The following FOCAD variants were observed in gnomAD, a reference collection of about 807,000 sequenced individuals.
FOCAD encodes focadhesin, also known as KIAA1797.
In FOCAD, 198 loss-of-function variants were observed where a neutral mutation model predicts 225.6. The ratio of observed to expected loss-of-function variants is 0.88; its 90% confidence interval spans 0.78 to 0.99. The LOEUF (loss-of-function observed/expected upper bound fraction) is 0.99. Ranked by LOEUF, FOCAD falls within the 50% of genes least tolerant of loss-of-function variation. FOCAD has a pLI of 0.00. For synonymous variants in FOCAD, 897 were observed against 755.0 expected (o/e 1.19, Z -3.08); for missense variants, 2,713 against 2,123.6 (o/e 1.28, Z -5.46).
chr9:20,993,363 A>G, intron 43 of FOCAD, 35 bp downstream of exon 43: 1 of 1,531,056 alleles, frequency 6.5e-7, no homozygotes, highest in Non-Finnish European at 9.0e-7. Context: ...AACATAGGGG[A>G]AAAACCATTA....
At chr9:20,670,951 CCTT>C (rs1307234043) in intron 2 of FOCAD, among the ~76,000 whole-genome samples, 2 of 152,096 alleles carry the variant, frequency 1.3e-5, no homozygotes, top group Non-Finnish European at 2.9e-5. Context: ...AAATAGCAAT[CCTT>C]ATTATGTAAA....
chr9:20,845,462 T>TG lies in FOCAD; in HGVS notation c.1921-17116_1921-17115insG, dbSNP rs1161158811. On this transcript the variant is annotated intron_variant, in intron 15 of 43. Transcript: ENST00000338382. ...TCCTCGATATATATATATATATATA[T>TG]ATATGACACGTGGTATATCATTGTA... is the stretch of plus-strand genomic sequence containing the variant. Among the ~76,000 whole-genome samples the TG allele has an allele frequency of 9.7e-4, 145 of 148,966 alleles. 5 individuals carry two copies. The South Asian group carries it at 0.03, about 30-fold the overall frequency.
Position 20,764,964 on chromosome 9 carries a change from C to T in FOCAD, c.590C>T (p.Ala197Val). The change falls in exon 7 of 44, where the codon GCC (alanine) becomes GTC (valine). Residue 197 changes from alanine (A) to valine (V), a missense_variant. Coordinates refer to ENST00000338382, the MANE Select transcript of FOCAD (RefSeq NM_001375567.1). ...CAAGAATATGCTAAACTCCGACTAG[C>T]CCTGCTGAAAGTCTTACTTCAACCC... is the stretch of plus-strand genomic sequence containing the variant. ...QLQEYAKLRL[A>V]LLKVLLQPQV... 1 of 1,614,074 alleles carries T rather than the reference C, an allele frequency of 6.2e-7. No homozygotes were observed. The highest frequency in any genetic ancestry group is 8.5e-7 in the Non-Finnish European group (1 of 1,179,984).
At chr9:20,745,230 TCC>T (rs1374785390) in intron 5 of FOCAD, among the ~76,000 whole-genome samples, 2 of 151,642 alleles carry the variant, frequency 1.3e-5, no homozygotes, top group African/African-American at 4.8e-5. Flanking sequence ...CCATCTCAGC[TCC>T]CCCAGTAGCT....
At chr9:20,760,881 G>A (rs190803285) in intron 6 of FOCAD, among the ~76,000 whole-genome samples, 3 of 152,136 alleles carry the variant, frequency 2.0e-5, no homozygotes, top group Non-Finnish European at 4.4e-5. Context: ...CTGGGTGACA[G>A]GTTGTTAATG....
chr9:20,920,975 T>A (rs1314039386), intron 24 of FOCAD, among the ~76,000 whole-genome samples: 3 of 147,782 alleles, frequency 2.0e-5, no homozygotes, highest in Non-Finnish European at 3.0e-5. Flanking sequence ...ATAATAAAAT[T>A]AAAAAATAAA....
intron 14 of FOCAD, 87 bp downstream of exon 14, chr9:20,821,158 G>C: frequency 7.6e-7 from 1 of 1,312,106 alleles, no homozygotes; most frequent in Non-Finnish European, 1.0e-6. Flanking sequence ...GGCAAGAAAA[G>C]ATAGGCAGAG....
chr9:20,759,866 G>A (rs1042307045), intron 6 of FOCAD, among the ~76,000 whole-genome samples: 2 of 152,184 alleles, frequency 1.3e-5, no homozygotes, highest in Non-Finnish European at 2.9e-5. Flanking sequence ...CTTGGACACT[G>A]GCTAATGAGT....
rs1829236777 is a variant in FOCAD at position 20,758,205 on chromosome 9, A to G, written c.494+14A>G. 5 of 1,593,214 alleles carry G rather than the reference A, an allele frequency of 3.1e-6. No individual in the cohort carries two copies. The highest frequency in any genetic ancestry group is 4.3e-6 in the Non-Finnish European group (5 of 1,165,346). Reference sequence around the variant, plus strand: ...GTGCCCTGAAAGGTAATGTAAAATAAAAGTGTAAAATAAAGTGAGGGAGAC... The same window carrying G: ...GTGCCCTGAAAGGTAATGTAAAATAGAAGTGTAAAATAAAGTGAGGGAGAC... On this transcript the variant is annotated intron_variant, in intron 6 of 43. Transcript: ENST00000338382.
chr9:20,823,832 C>A (rs1221653268), intron 15 of FOCAD, among the ~76,000 whole-genome samples: 1 of 152,028 alleles, frequency 6.6e-6, no homozygotes, highest in Non-Finnish European at 1.5e-5. Context: ...ATATAATGAT[C>A]TGATAATATA....
chr9:20,776,875 T>G (rs1343679438), intron 8 of FOCAD, among the ~76,000 whole-genome samples: 1 of 152,216 alleles, frequency 6.6e-6, no homozygotes, highest in East Asian at 1.9e-4. Context: ...ATGCAGAAAT[T>G]AAAATGAAAT....
intron 11 of FOCAD, among the ~76,000 whole-genome samples, chr9:20,814,329 A>G (rs1029340514): frequency 6.7e-6 from 1 of 148,988 alleles, no homozygotes. Context: ...ACTTTGATTC[A>G]TCACTCATTT....
intron 15 of FOCAD, among the ~76,000 whole-genome samples, chr9:20,837,463 G>C (rs964322299): frequency 6.6e-6 from 1 of 151,950 alleles, no homozygotes; most frequent in African/African-American, 2.4e-5. Context: ...ATAATGACAT[G>C]ACTAAAATGA....
intron 11 of FOCAD, among the ~76,000 whole-genome samples, chr9:20,816,992 A>G (rs892370637): frequency 3.3e-5 from 5 of 152,136 alleles, no homozygotes; most frequent in Admixed American, 6.6e-5. Flanking sequence ...GGATTTTGCT[A>G]TCCATGGAAT....
intron 9 of FOCAD, among the ~76,000 whole-genome samples, chr9:20,779,912 C>T (rs893016729): frequency 6.6e-6 from 1 of 152,108 alleles, no homozygotes; most frequent in Admixed American, 6.5e-5. Flanking sequence ...GCTTTGATTC[C>T]TACCCTGCAT....
chr9:20,870,632 G>A (rs1047881988), intron 18 of FOCAD, among the ~76,000 whole-genome samples: 1 of 152,194 alleles, frequency 6.6e-6, no homozygotes, highest in Non-Finnish European at 1.5e-5. Flanking sequence ...CTAGGCAACA[G>A]CATCAGATCG....
chr9:20,822,013 A>G (rs1004677499), intron 14 of FOCAD, among the ~76,000 whole-genome samples: 13 of 150,258 alleles, frequency 8.7e-5, no homozygotes, highest in Non-Finnish European at 1.8e-4. Context: ...AAAAAAAAAA[A>G]AAAAAAAAAA....
intron 6 of FOCAD, among the ~76,000 whole-genome samples, chr9:20,759,162 G>T (rs1237139817): frequency 6.6e-6 from 1 of 152,078 alleles, no homozygotes; most frequent in African/African-American, 2.4e-5. Context: ...TGGGTAGGAA[G>T]AATCAATATC....
At chr9:20,829,275 C>T (rs937711321) in intron 15 of FOCAD, among the ~76,000 whole-genome samples, 1 of 152,116 alleles carries the variant, frequency 6.6e-6, no homozygotes, top group Non-Finnish European at 1.5e-5. Flanking sequence ...GTTCCTATTT[C>T]TCCACAACTT....
Sources: gnomAD v4.1 joint callset for allele counts (sites outside exome capture counted in the v4.1 genomes callset) on GRCh38, gnomAD v4.1.1 for gene constraint, MANE v1.5 for transcripts, NCBI Gene and HGNC (gene_info 2026-07-23, HGNC 2026-07-21) for gene names.